The following ATP6V1H variants were observed in gnomAD, a reference collection of about 807,000 sequenced individuals.
ATP6V1H encodes the protein ATPase H+ transporting V1 subunit H.
A neutral mutation model predicts 71.7 loss-of-function variants in ATP6V1H; 39 were observed. The observed-to-expected ratio is 0.54, with a 90% CI of 0.42 to 0.71. The LOEUF (loss-of-function observed/expected upper bound fraction) is 0.71, where lower values mean the gene tolerates loss of function less well. Among genes scored for constraint, ATP6V1H ranks in the 30% least tolerant of loss-of-function variants. The pLI is 0.00. For synonymous variants in ATP6V1H, 192 were observed against 199.3 expected, an observed-to-expected ratio of 0.96 and a Z score of 0.31; for missense variants, 509 against 594.9, an observed-to-expected ratio of 0.86 and a Z score of 1.50.
chr8:53,787,446 C>T (rs546756860), intron 9 of ATP6V1H, among the ~76,000 whole-genome samples: 13 of 152,152 alleles, frequency 8.5e-5, no homozygotes, highest in Admixed American at 2.6e-4. Flanking sequence ...CATGTACATG[C>T]GTGTGCATGT....
intron 11 of ATP6V1H, among the ~76,000 whole-genome samples, chr8:53,758,694 C>T (rs1808156955): frequency 1.3e-5 from 2 of 152,138 alleles, no homozygotes; most frequent in African/African-American, 4.8e-5. Context: ...ATCTTATTTT[C>T]AGAATTTCGT....
Position 53,795,814 on chromosome 8 carries a change from A to T in ATP6V1H, c.703T>A (p.Cys235Ser). Reference sequence around the variant, plus strand: ...ATTTGATACTGGAGCTGAAAGCCACACTTGTTACTCAACACTCCCATTATG... The same window carrying T: ...ATTTGATACTGGAGCTGAAAGCCACTCTTGTTACTCAACACTCCCATTATG... ...NCIMGVLSNK[C>S]GFQLQYQMIF... The change falls in exon 9 of 14, where the codon TGT becomes AGT. Residue 235 changes from cysteine to serine, a missense_variant. By Grantham distance (112) the Cys-to-Ser change is moderately radical. Around this residue, in one of 2 missense-constraint regions of ATP6V1H, gnomAD observed 297 missense variants for 303.3 expected, o/e 0.98. Transcript: ENST00000359530. 1 of 1,612,038 alleles carries T rather than the reference A, an allele frequency of 6.2e-7. No homozygotes were observed.
intron 3 of ATP6V1H, among the ~76,000 whole-genome samples, chr8:53,830,451 C>G (rs1286482925): frequency 6.6e-6 from 1 of 152,094 alleles, no homozygotes; most frequent in Non-Finnish European, 1.5e-5. Context: ...CATGGATAGA[C>G]AGCCCACTCA....
chr8:53,806,187 C>T (rs1810072060), intron 7 of ATP6V1H, among the ~76,000 whole-genome samples: 1 of 151,878 alleles, frequency 6.6e-6, no homozygotes, highest in Non-Finnish European at 1.5e-5. Flanking sequence ...TTGGGCAAAT[C>T]ACTTAATCTC....
chr8:53,824,564 A>G (rs1364746910), intron 4 of ATP6V1H, among the ~76,000 whole-genome samples: 1 of 152,148 alleles, frequency 6.6e-6, no homozygotes. Flanking sequence ...TTGGTTCAGT[A>G]TTATAAAATC....
At chr8:53,791,072 G>A (rs1268007465) in intron 9 of ATP6V1H, among the ~76,000 whole-genome samples, 1 of 150,942 alleles carries the variant, frequency 6.6e-6, no homozygotes, top group Non-Finnish European at 1.5e-5. Context: ...TTAAAAAAAA[G>A]GAAAGACAAG....
intron 9 of ATP6V1H, among the ~76,000 whole-genome samples, chr8:53,779,402 A>G (rs936943821): frequency 2.6e-5 from 4 of 151,866 alleles, no homozygotes; most frequent in East Asian, 3.8e-4. Context: ...AAATTTAACA[A>G]TGCACTCCTA....
At chr8:53,827,212 G>A (rs1159988348) in intron 4 of ATP6V1H, among the ~76,000 whole-genome samples, 3 of 151,474 alleles carry the variant, frequency 2.0e-5, no homozygotes, top group East Asian at 1.9e-4. Context: ...GTGAAACCTC[G>A]TCTCTACTAA....
chr8:53,776,308 G>C (rs947657858), intron 9 of ATP6V1H, among the ~76,000 whole-genome samples: 1 of 152,240 alleles, frequency 6.6e-6, no homozygotes, highest in Non-Finnish European at 1.5e-5. Flanking sequence ...AGCTGAGGGA[G>C]TGGGCTCTGG....
At chr8:53,798,906 T>G (rs1053630038) in intron 8 of ATP6V1H, among the ~76,000 whole-genome samples, 1 of 152,306 alleles carries the variant, frequency 6.6e-6, no homozygotes, top group African/African-American at 2.4e-5. Flanking sequence ...CATTGCTGAA[T>G]GGTCTCTAAA....
chr8:53,759,810 C>G (rs1808203820), intron 11 of ATP6V1H, among the ~76,000 whole-genome samples: 1 of 152,142 alleles, frequency 6.6e-6, no homozygotes, highest in South Asian at 2.1e-4. Flanking sequence ...AACATACAAG[C>G]TACAAGGTAT....
At chr8:53,747,526 C>CTTTT (rs577089626) in intron 12 of ATP6V1H, among the ~76,000 whole-genome samples, 2 of 142,094 alleles carry the variant, frequency 1.4e-5, no homozygotes, top group African/African-American at 5.2e-5. Context: ...AGAGAAAGCT[C>CTTTT]TTTTTTTTTT....
chr8:53,816,137 C>G (rs756168731), intron 5 of ATP6V1H, among the ~76,000 whole-genome samples: 2 of 152,126 alleles, frequency 1.3e-5, no homozygotes, highest in African/African-American at 2.4e-5. Flanking sequence ...TCCTTAATTT[C>G]TTTTTATAGA....
intron 7 of ATP6V1H, among the ~76,000 whole-genome samples, chr8:53,805,469 A>G (rs1810051427): frequency 6.6e-6 from 1 of 152,208 alleles, no homozygotes; most frequent in Non-Finnish European, 1.5e-5. Context: ...ATATGTGTGT[A>G]TGTGTGATTT....
chr8:53,772,917 A>C (rs1441675066), intron 9 of ATP6V1H, among the ~76,000 whole-genome samples: 23 of 151,552 alleles, frequency 1.5e-4, no homozygotes, highest in Admixed American at 5.9e-4. Context: ...AAAAAAAAAA[A>C]AAAAACAAAA....
chr8:53,801,998 C>A (rs556655921), intron 7 of ATP6V1H, 102 bp from the exon 8 acceptor site: 292 of 983,380 alleles, frequency 3.0e-4, no homozygotes, highest in Middle Eastern at 6.4e-4. Flanking sequence ...ACTGGAATTA[C>A]CATCTGAGCA....
intron 6 of ATP6V1H, among the ~76,000 whole-genome samples, chr8:53,814,355 C>T (rs1374942055): frequency 2.0e-5 from 3 of 152,042 alleles, no homozygotes; most frequent in Non-Finnish European, 4.4e-5. Flanking sequence ...TGTGTGGGTC[C>T]TTTCAGTTCT....
intron 7 of ATP6V1H, among the ~76,000 whole-genome samples, chr8:53,807,017 C>T (rs571960059): frequency 6.6e-6 from 1 of 152,196 alleles, no homozygotes; most frequent in Admixed American, 6.5e-5. Context: ...CAGGTCCCCA[C>T]AAACTTCACA....
At chr8:53,755,726 ATATATATATATATATATATT>A in intron 12 of ATP6V1H, among the ~76,000 whole-genome samples, 1 of 5,828 alleles carries the variant, frequency 1.7e-4, no homozygotes, top group African/African-American at 1.3e-3. Context: ...ATATATATAT[ATATATATATATATATATATT>A]TTTTTTTTTT....
Sources: allele counts gnomAD v4.1 joint callset (sites outside exome capture counted in the v4.1 genomes callset), GRCh38; gene constraint gnomAD v4.1.1; regional missense constraint gnomAD v4.1.1; transcripts MANE v1.5; gene names NCBI Gene and HGNC (gene_info 2026-07-23, HGNC 2026-07-21).